Variants in ROBO1 observed in about 807,000 individuals in gnomAD.
The protein encoded by ROBO1 is roundabout homolog 1.
A neutral mutation model predicts 195.9 loss-of-function variants in ROBO1; 149 were observed. The ratio of observed to expected loss-of-function variants is 0.76; its 90% CI spans 0.67 to 0.87. ROBO1 has a LOEUF of 0.87. Ranked by LOEUF, ROBO1 falls within the 40% of genes least tolerant of loss-of-function variation. The pLI, the probability that ROBO1 is intolerant of heterozygous loss-of-function variation, is 0.00. For synonymous variants in ROBO1, 816 were observed against 733.2 expected (o/e 1.11, Z -1.82); for missense variants, 1,933 against 2,068.3 (o/e 0.93, Z 1.27).
chr3:79,708,138 C>A (rs921214752), intron 1 of ROBO1, among the ~76,000 whole-genome samples: 4 of 152,108 alleles, frequency 2.6e-5, no homozygotes, highest in African/African-American at 9.7e-5. Context: ...CAACATCACT[C>A]TGAGGTTCAC....
chr3:79,666,982 A>G (rs762025247), intron 1 of ROBO1, among the ~76,000 whole-genome samples: 9 of 151,900 alleles, frequency 5.9e-5, no homozygotes, highest in Non-Finnish European at 1.0e-4. Flanking sequence ...TATTTTGCCT[A>G]TTTTAATAAT....
intron 2 of ROBO1, among the ~76,000 whole-genome samples, chr3:79,405,030 C>T (rs2037492822): frequency 6.6e-6 from 1 of 152,082 alleles, no homozygotes; most frequent in Non-Finnish European, 1.5e-5. Flanking sequence ...CTCACTGCCC[C>T]ATTGAAATTA....
intron 3 of ROBO1, among the ~76,000 whole-genome samples, chr3:79,054,999 A>G (rs1018319433): frequency 6.6e-6 from 1 of 152,086 alleles, no homozygotes; most frequent in Non-Finnish European, 1.5e-5. Context: ...AGTAGGGGGT[A>G]GGGTGGTCAA....
intron 2 of ROBO1, among the ~76,000 whole-genome samples, chr3:79,481,566 G>A (rs1268355361): frequency 1.3e-5 from 2 of 152,084 alleles, no homozygotes; most frequent in South Asian, 4.1e-4. Context: ...GCTAATATGG[G>A]AATATGCCTT....
In ROBO1 at chr3:79,488,125, A is replaced by AT. The variant is rs569126011; in HGVS notation, c.88+101698dup. ...CTTTTTAACTGAAAGAAAAATGGAA[A>AT]TAAAAACTTGTCAAATAAACTTAAA... On this transcript the variant is annotated intron_variant, in intron 2 of 30. Coordinates refer to ENST00000464233, the MANE Select transcript of ROBO1 (RefSeq NM_002941.4). 2.8e-3 allele frequency among the ~76,000 whole-genome samples: 427 copies of AT among 152,294 alleles called. 3 individuals carry two copies. The highest frequency in any genetic ancestry group is 9.9e-3 in the African/African-American group (410 of 41,568).
intron 2 of ROBO1, among the ~76,000 whole-genome samples, chr3:79,571,870 G>T (rs1427148303): frequency 1.3e-5 from 2 of 151,858 alleles, no homozygotes; most frequent in African/African-American, 4.8e-5. Context: ...TTTTTTCTGG[G>T]CTTCCTAAAT....
At chr3:79,074,678 T>C (rs762538531) in intron 3 of ROBO1, among the ~76,000 whole-genome samples, 25 of 151,686 alleles carry the variant, frequency 1.6e-4, no homozygotes, top group Non-Finnish European at 2.8e-4. Context: ...ATCCTCCTGC[T>C]TTGGTCTCCC....
intron 1 of ROBO1, among the ~76,000 whole-genome samples, chr3:79,653,101 TG>T (rs1052464701): frequency 1.1e-4 from 16 of 151,906 alleles, no homozygotes; most frequent in African/African-American, 3.4e-4. Flanking sequence ...TTTTGATTAA[TG>T]AAAAAATCAA....
At chr3:79,657,407 G>A (rs926095370) in intron 1 of ROBO1, among the ~76,000 whole-genome samples, 1 of 152,052 alleles carries the variant, frequency 6.6e-6, no homozygotes. Flanking sequence ...TCCAGTGAAT[G>A]AGAGAAAGTA....
chr3:79,284,355 T>C (rs2031746507), intron 2 of ROBO1, among the ~76,000 whole-genome samples: 2 of 152,014 alleles, frequency 1.3e-5, no homozygotes, highest in Admixed American at 6.6e-5. Flanking sequence ...AAAACATAGG[T>C]TAATTATAAA....
chr3:78,962,803 G>A (rs540450768), intron 3 of ROBO1, among the ~76,000 whole-genome samples: 127 of 117,904 alleles, frequency 1.1e-3, no homozygotes, highest in African/African-American at 3.6e-3. Context: ...CAGCCTGGGC[G>A]ACAGAGTGAG....
At chr3:79,199,205 CA>C (rs2108774614) in intron 2 of ROBO1, among the ~76,000 whole-genome samples, 1 of 151,458 alleles carries the variant, frequency 6.6e-6, no homozygotes, top group South Asian at 2.1e-4. Context: ...AAAATCCATG[CA>C]AAATTAAAGT....
chr3:79,761,105 T>C (rs965330259), intron 1 of ROBO1, among the ~76,000 whole-genome samples: 1 of 148,164 alleles, frequency 6.7e-6, no homozygotes, highest in Non-Finnish European at 1.5e-5. Flanking sequence ...ATATAAAATA[T>C]ACTATATATT....
At chr3:79,012,948 A>G (rs1173795316) in intron 3 of ROBO1, among the ~76,000 whole-genome samples, 1 of 152,128 alleles carries the variant, frequency 6.6e-6, no homozygotes, top group East Asian at 1.9e-4. Context: ...AGAATTGTAA[A>G]GAATGGAGGT....
intron 4 of ROBO1, among the ~76,000 whole-genome samples, chr3:78,848,448 GA>G (rs2033813800): frequency 6.6e-6 from 1 of 152,154 alleles, no homozygotes; most frequent in Admixed American, 6.5e-5. Context: ...GTACTAAGTA[GA>G]AAAATTAAAG....
chr3:78,673,187 C>T (rs1708166286), intron 10 of ROBO1, among the ~76,000 whole-genome samples: 1 of 151,916 alleles, frequency 6.6e-6, no homozygotes, highest in African/African-American at 2.4e-5. Flanking sequence ...ACATTCACTG[C>T]CTCAGTTTCT....
chr3:78,641,352 G>A (rs1488977140), intron 21 of ROBO1, among the ~76,000 whole-genome samples: 1 of 152,162 alleles, frequency 6.6e-6, no homozygotes, highest in Non-Finnish European at 1.5e-5. Context: ...ACACTGGAGA[G>A]TACTAAAAGT....
chr3:78,606,751 T>C lies in ROBO1; in HGVS notation c.4726A>G (p.Lys1576Glu), dbSNP rs752174389. The C allele has an allele frequency of 1.2e-6, 2 of 1,613,800 alleles. No individual in the cohort carries two copies. Among genetic ancestry groups the C allele is most frequent in the South Asian group, 2.2e-5 (2 of 91,058 alleles). ...TGAGTACCTTGGATGAGATGAGTCT[T>C]TGCTGGTGGAAGGTCTCGTTTTGCT... ...KAAKRDLPPA[K>E]THLIQEDILP... is the part of the protein sequence containing the mutation. Residue 1576 changes from lysine (K) to glutamate (E), a missense_variant, in exon 29 of 31, where the codon AAG becomes GAG. This residue lies in a region of ROBO1 where 1,737 missense variants were observed against 1,882.5 expected (regional missense o/e 0.92). Transcript: ENST00000464233.
intron 1 of ROBO1, among the ~76,000 whole-genome samples, chr3:79,677,666 C>A (rs563890209): frequency 2.0e-5 from 3 of 152,054 alleles, no homozygotes; most frequent in African/African-American, 4.8e-5. Flanking sequence ...CATGCAACTG[C>A]AAGTGGTCTC....
Sources: allele counts gnomAD v4.1 joint callset (sites outside exome capture counted in the v4.1 genomes callset), GRCh38; gene constraint gnomAD v4.1.1; regional missense constraint gnomAD v4.1.1; transcripts MANE v1.5; gene names NCBI Gene and HGNC (gene_info 2026-07-23, HGNC 2026-07-21).